Variants in UNC5A observed in about 807,000 individuals in gnomAD.
UNC5A encodes unc-5 netrin receptor A.
UNC5A carries 20 observed loss-of-function variants against 87.4 expected under a neutral mutation model. That is an observed-to-expected ratio of 0.23 (90% confidence interval 0.16 to 0.33). The LOEUF is 0.33. Ranked by LOEUF, UNC5A falls within the 10% of genes least tolerant of loss-of-function variation. UNC5A has a pLI of 1.00. For missense variants in UNC5A, 844 were observed against 1,133.4 expected (o/e 0.74, Z 3.67); for synonymous variants, 438 against 482.3 (o/e 0.91, Z 1.20).
chr5:176,872,778 C>T (rs1473030882), intron 6 of UNC5A, among the ~76,000 whole-genome samples: 1 of 115,770 alleles, frequency 8.6e-6, no homozygotes, highest in African/African-American at 3.5e-5. Context: ...TCCCATCTGC[C>T]CACACCTGCC....
At position 176,880,710 on chromosome 5, in the gene UNC5A, C is replaced by T; in HGVS notation, c.*824C>T. 2 of 190,352 alleles carry T rather than the reference C, an allele frequency of 1.1e-5. No individual in the cohort carries two copies. The highest frequency in any genetic ancestry group is 1.1e-5 in the Non-Finnish European group (1 of 93,238). The allele number at this position is 190,352 out of a possible 1,614,324, so 11.8% of individuals were successfully genotyped here. On this transcript the variant is annotated 3_prime_UTR_variant, in exon 15 of 15. Transcript: ENST00000329542. ...AGTGGTGAGTGTGTGTGTGGCGTGGCGTGCCCGTCCCCAGGGCTGGCTGGT... is the reference window on the plus strand; with the variant it reads ...AGTGGTGAGTGTGTGTGTGGCGTGGTGTGCCCGTCCCCAGGGCTGGCTGGT...
chr5:176,835,103 G>C (rs942575862), intron 1 of UNC5A, among the ~76,000 whole-genome samples: 2 of 152,282 alleles, frequency 1.3e-5, no homozygotes, highest in Non-Finnish European at 2.9e-5. Context: ...AGCGAGGCCA[G>C]GGAGAGAGGT....
At chr5:176,817,701 G>A (rs1272937520) in intron 1 of UNC5A, among the ~76,000 whole-genome samples, 2 of 151,982 alleles carry the variant, frequency 1.3e-5, no homozygotes, top group Non-Finnish European at 2.9e-5. Context: ...AGGGCCCTTA[G>A]GCCGGCGGAT....
intron 1 of UNC5A, among the ~76,000 whole-genome samples, chr5:176,834,709 C>G (rs1175743303): frequency 1.3e-5 from 2 of 151,014 alleles, no homozygotes; most frequent in African/African-American, 2.4e-5. Flanking sequence ...CTCTCTGTCT[C>G]TCTGTCTCTC....
In UNC5A at chr5:176,868,588, C is replaced by T. The variant is rs369341816; in HGVS notation, c.464C>T (p.Pro155Leu). Residue 155 changes from proline to leucine, a missense_variant, in exon 4 of 15, where the codon CCG becomes CTG. Coordinates refer to ENST00000329542, the MANE Select transcript of UNC5A (RefSeq NM_133369.3). ...TTGCGCAAGAACTTCGAGCAGGAGCCGCTGGCCAAGGAGGTGTCCCTGGAG... is the reference window on the plus strand; with the variant it reads ...TTGCGCAAGAACTTCGAGCAGGAGCTGCTGGCCAAGGAGGTGTCCCTGGAG... ...AYLRKNFEQE[P>L]LAKEVSLEQG... is the part of the protein sequence containing the mutation. 7 of 1,605,776 alleles carry T rather than the reference C, an allele frequency of 4.4e-6. No individual in the cohort carries two copies. The African/African-American group carries it at 5.3e-5, about 12-fold the overall frequency.
rs566897906 is a variant in UNC5A at position 176,824,240 on chromosome 5, C to T, written c.70+13420C>T. Among the ~76,000 whole-genome samples, 3 of 152,286 alleles carry T rather than the reference C, an allele frequency of 2.0e-5. No homozygotes were observed. Among genetic ancestry groups the T allele is most frequent in the South Asian group, 2.1e-4 (1 of 4,822 alleles). On this transcript the variant is annotated intron_variant, in intron 1 of 14. Transcript: ENST00000329542. The surrounding 1 kb of genome is among the most constrained non-coding windows in gnomAD (Gnocchi z 4.2). Reference sequence around the variant, plus strand: ...GTGGAAAGCGGCCGTGGGGCTGAGGCGGGTGAGGCCAGCGCACAGGGAGAT... The same window carrying T: ...GTGGAAAGCGGCCGTGGGGCTGAGGTGGGTGAGGCCAGCGCACAGGGAGAT...
chr5:176,817,923 G>T (rs951898384), intron 1 of UNC5A, among the ~76,000 whole-genome samples: 1 of 152,024 alleles, frequency 6.6e-6, no homozygotes, highest in African/African-American at 2.4e-5. Flanking sequence ...GGGAAGGGGC[G>T]GGATGCCTCC....
chr5:176,842,193 T>C (rs1240948900), intron 1 of UNC5A, among the ~76,000 whole-genome samples: 4 of 152,174 alleles, frequency 2.6e-5, no homozygotes, highest in South Asian at 2.1e-4. Context: ...CGAGACTCCG[T>C]CTCAAAACAA....
chr5:176,868,110 C>T lies in UNC5A; in HGVS notation c.293-20C>T. ...CAGGGTGGCCCTGGGGCTCTGACTA[C>T]CTGCCCCTCCCGCCCCCAGGGCTGC... On this transcript the variant is annotated intron_variant, in intron 2 of 14. Transcript: ENST00000329542. 1 of 1,608,250 alleles carries T rather than the reference C, an allele frequency of 6.2e-7. No homozygotes were observed. The highest frequency in any genetic ancestry group is 8.5e-7 in the Non-Finnish European group (1 of 1,177,386).
Position 176,810,686 on chromosome 5 carries a change from C to G in UNC5A, c.-65C>G. On this transcript the variant is annotated 5_prime_UTR_variant, in exon 1 of 15. Coordinates refer to ENST00000329542, the MANE Select transcript of UNC5A (RefSeq NM_133369.3). This position sits in a 1 kb window ranked among gnomAD's most constrained non-coding sequence, Gnocchi z 7.3. The stretch of plus-strand genomic sequence containing the variant: ...CCCGAGCTGGGGCTCCGGGCTGAGG[C>G]GCTAAAGCCGCCCTCCCGCCCGCGG... 1 of 588,120 alleles carries G rather than the reference C, an allele frequency of 1.7e-6. No homozygotes were observed. The highest frequency in any genetic ancestry group is 2.2e-6 in the Non-Finnish European group (1 of 464,194). The allele number at this position is 588,120 out of a possible 1,614,324, so 36.4% of individuals were successfully genotyped here.
intron 3 of UNC5A, 83 bp from the exon 4 acceptor site, chr5:176,868,478 C>T: frequency 6.7e-7 from 1 of 1,487,050 alleles, no homozygotes; most frequent in Non-Finnish European, 9.1e-7. Flanking sequence ...GTGCCACGGC[C>T]CCTGCAGGAC....
chr5:176,860,339 G>A (rs368981174), intron 1 of UNC5A, among the ~76,000 whole-genome samples: 9 of 152,206 alleles, frequency 5.9e-5, no homozygotes, highest in Non-Finnish European at 1.3e-4. Flanking sequence ...TGTCTAGAGC[G>A]GCCCTCGGGC....
Position 176,810,650 on chromosome 5 carries a change from C to T in UNC5A, c.-101C>T, listed in dbSNP as rs1049908081. ...GGCAGCGCAGTCCGCTGGCATGGGC[C>T]CCGGGGGCGCCCCGAGCTGGGGCTC... On this transcript the variant is annotated 5_prime_UTR_variant, in exon 1 of 15. Coordinates refer to ENST00000329542, the MANE Select transcript of UNC5A (RefSeq NM_133369.3). The surrounding 1 kb of genome is among the most constrained non-coding windows in gnomAD (Gnocchi z 7.3). 1 of 316,514 alleles carries T rather than the reference C, an allele frequency of 3.2e-6. No homozygotes were observed. The highest frequency in any genetic ancestry group is 2.3e-5 in the African/African-American group (1 of 43,914). 19.6% of individuals were successfully genotyped at this position (316,514 alleles called of 1,614,324 possible).
At chr5:176,877,127 C>T in intron 8 of UNC5A, 65 bp from the exon 9 acceptor site, 18 of 1,308,312 alleles carry the variant, frequency 1.4e-5, no homozygotes, top group Non-Finnish European at 1.6e-5. Flanking sequence ...CCTGGAGGGG[C>T]TGTGTGGTGG....
intron 1 of UNC5A, among the ~76,000 whole-genome samples, chr5:176,819,364 TAAGGAAAAAA>T (rs1171808335): frequency 3.3e-5 from 5 of 151,556 alleles, no homozygotes; most frequent in Admixed American, 6.6e-5. Context: ...CACACTGGCT[TAAGGAAAAAA>T]AAGGAAAACG....
In UNC5A at chr5:176,824,549, A is replaced by G. The variant is rs755970921; in HGVS notation, c.70+13729A>G. Among the ~76,000 whole-genome samples, 15 of 151,922 alleles carry G rather than the reference A, an allele frequency of 9.9e-5. No homozygotes were observed. The highest frequency in any genetic ancestry group is 3.6e-4 in the African/African-American group (15 of 41,286). On this transcript the variant is annotated intron_variant, in intron 1 of 14. Coordinates refer to ENST00000329542, the MANE Select transcript of UNC5A (RefSeq NM_133369.3). This position sits in a 1 kb window ranked among gnomAD's most constrained non-coding sequence, Gnocchi z 4.2. ...CATTTAGCCCCCACGCGGCAGATAG[A>G]ACATTCTAAAAAAAAAAGAGAGAAA...
intron 1 of UNC5A, among the ~76,000 whole-genome samples, chr5:176,817,605 C>G (rs1032585611): frequency 6.6e-6 from 1 of 151,398 alleles, no homozygotes; most frequent in African/African-American, 2.4e-5. Context: ...CAAATGTGCC[C>G]GTCACTGGCG....
Position 176,869,723 on chromosome 5 carries a change from G to A in UNC5A, c.722-647G>A, listed in dbSNP as rs1465493801. On this transcript the variant is annotated intron_variant, in intron 5 of 14. Coordinates refer to ENST00000329542, the MANE Select transcript of UNC5A (RefSeq NM_133369.3). The surrounding 1 kb of genome is among the most constrained non-coding windows in gnomAD (Gnocchi z 9.1). The stretch of plus-strand genomic sequence containing the variant: ...GCACCAACCCGGCGCCTCTCAACGG[G>A]GGCGCTTTCTGTGAGGGGCAGAATG... 1.5e-6 allele frequency: 1 copy of A among 659,590 alleles called. No homozygotes were observed. The highest frequency in any genetic ancestry group is 2.8e-5 in the East Asian group (1 of 36,192). 40.9% of individuals were successfully genotyped at this position (659,590 alleles called of 1,614,324 possible). A position where few individuals can be genotyped will look rare whatever the true frequency, so the allele number is the denominator to read the frequency against.
At chr5:176,835,177 C>G (rs767748995) in intron 1 of UNC5A, among the ~76,000 whole-genome samples, 1 of 152,284 alleles carries the variant, frequency 6.6e-6, no homozygotes, top group Non-Finnish European at 1.5e-5. Context: ...GGAATGGGGC[C>G]TCCGGCCAGG....
Sources: allele counts gnomAD v4.1 joint callset (sites outside exome capture counted in the v4.1 genomes callset), GRCh38; gene constraint gnomAD v4.1.1; non-coding constraint Gnocchi (gnomAD v3.1); transcripts MANE v1.5; gene names NCBI Gene and HGNC (gene_info 2026-07-23, HGNC 2026-07-21).